The following HSBP1L1 variants were observed in gnomAD, a reference collection of about 807,000 sequenced individuals.
The protein encoded by HSBP1L1 is heat shock factor-binding protein 1-like protein 1.
Under a neutral mutation model 9.7 loss-of-function variants are expected in HSBP1L1, and 8 were observed. The observed-to-expected ratio is 0.82, with a 90% confidence interval of 0.48 to 1.48. The LOEUF is 1.48. Among genes scored for constraint, HSBP1L1 ranks in the 40% most tolerant of loss-of-function variants. The pLI is 0.00. For missense variants in HSBP1L1, 106 were observed against 95.8 expected (o/e 1.11, Z -0.44); for synonymous variants, 39 against 34.4 (o/e 1.13, Z -0.46).
At chr18:79,969,809 G>A (rs974160765) in intron 3 of HSBP1L1, among the ~76,000 whole-genome samples, 11 of 152,106 alleles carry the variant, frequency 7.2e-5, no homozygotes, top group Non-Finnish European at 1.2e-4. Context: ...TAGGTCAGTC[G>A]CCAACTGCTG....
chr18:79,966,749 G>A, intron 2 of HSBP1L1, 71 bp downstream of exon 2: 1 of 1,128,182 alleles, frequency 8.9e-7, no homozygotes, highest in Non-Finnish European at 1.3e-6. Context: ...GTATCTTTTT[G>A]TTGTCTGGTA....
chr18:79,970,276 A>C, intron 3 of HSBP1L1, 164 bp from the exon 4 acceptor site: 1 of 604,714 alleles, frequency 1.7e-6, no homozygotes, highest in South Asian at 2.0e-5. Flanking sequence ...GGTAGACAGC[A>C]GGTACATAAT....
At chr18:79,967,942 G>A (rs900981229) in intron 2 of HSBP1L1, 147 bp from the exon 3 acceptor site, 5 of 542,538 alleles carry the variant, frequency 9.2e-6, no homozygotes, top group Non-Finnish European at 1.3e-5. Context: ...AGGGAAAGAA[G>A]CTGATTTGCA....
At chr18:79,966,730 T>A (rs1385261677) in intron 2 of HSBP1L1, 52 bp downstream of exon 2, 1 of 1,242,302 alleles carries the variant, frequency 8.0e-7, no homozygotes, top group Non-Finnish European at 1.1e-6. Context: ...ACTGGTAGAT[T>A]ATCATGGAGT....
At chr18:79,969,400 A>AGAAAAC (rs201355227) in intron 3 of HSBP1L1, among the ~76,000 whole-genome samples, 3 of 147,886 alleles carry the variant, frequency 2.0e-5, no homozygotes, top group Admixed American at 6.7e-5. Context: ...AGAAAAAAAA[A>AGAAAAC]CGATGCAGAA....
chr18:79,970,212 A>G, intron 3 of HSBP1L1: 1 of 478,964 alleles, frequency 2.1e-6, no homozygotes, highest in East Asian at 3.2e-5. Context: ...TCTACCTGGT[A>G]AGTGGTTGTA....
chr18:79,970,373 C>T (rs559389966), intron 3 of HSBP1L1, 67 bp from the exon 4 acceptor site: 6 of 717,614 alleles, frequency 8.4e-6, no homozygotes, highest in Non-Finnish European at 1.6e-5. Context: ...TTATTAAAAT[C>T]AGGGGTGAAC....
chr18:79,965,872 TTA>T (rs1041773719), intron 1 of HSBP1L1, among the ~76,000 whole-genome samples: 2 of 152,224 alleles, frequency 1.3e-5, no homozygotes, highest in Admixed American at 1.3e-4. Context: ...TCCAAAGGCC[TTA>T]GCACCTTTGT....
rs571115739 is a variant in HSBP1L1, at chr18:79,965,928, AT to A, written c.52-676del. On this transcript the variant is annotated intron_variant, in intron 1 of 3. Transcript: ENST00000451882. Reference sequence around the variant, plus strand: ...TGGATGGGTTTATCCCATGATATTTATTTTTTTTATTTTTATTTTTTGAGAC... The same window carrying A: ...TGGATGGGTTTATCCCATGATATTTATTTTTTTATTTTTATTTTTTGAGAC... Among the ~76,000 whole-genome samples the A allele has an allele frequency of 2.1e-3, 318 of 151,974 alleles. 3 individuals are homozygous for A. The highest frequency in any genetic ancestry group is 7.2e-3 in the African/African-American group (298 of 41,458).
intron 2 of HSBP1L1, among the ~76,000 whole-genome samples, chr18:79,967,147 C>CAAAAAAAAAAAAAAAAAAAAAA (rs5826682): frequency 2.9e-5 from 3 of 105,196 alleles, no homozygotes; most frequent in African/African-American, 1.1e-4. Context: ...GACTCCGTCT[C>CAAAAAAAAAAAAAAAAAAAAAA]AAAAAAAAAA....
intron 3 of HSBP1L1, among the ~76,000 whole-genome samples, chr18:79,969,624 G>C (rs892646943): frequency 4.6e-5 from 7 of 152,224 alleles, no homozygotes; most frequent in African/African-American, 1.4e-4. Context: ...GCTCAGAGCA[G>C]AGGCAGTCTT....
At chr18:79,966,540 C>G in intron 1 of HSBP1L1, 72 bp from the exon 2 acceptor site, 3 of 1,126,546 alleles carry the variant, frequency 2.7e-6, no homozygotes, top group Middle Eastern at 2.3e-4. Flanking sequence ...AAGACTTCAT[C>G]TCAGAAAAAA....
chr18:79,969,265 AGGGAGGGAGG>A (rs2051275209), intron 3 of HSBP1L1, among the ~76,000 whole-genome samples: 5 of 16,240 alleles, frequency 3.1e-4, no homozygotes, highest in African/African-American at 8.8e-4. Flanking sequence ...AGAGAGAGGG[AGGGAGGGAGG>A]GAGGGAGGGA....
At chr18:79,966,802 C>T (rs2051259527) in intron 2 of HSBP1L1, 124 bp downstream of exon 2, 1 of 735,692 alleles carries the variant, frequency 1.4e-6, no homozygotes, top group African/African-American at 1.8e-5. Context: ...GTATTTACTT[C>T]TGTGCTTTTA....
At chr18:79,969,534 T>C (rs2051283747) in intron 3 of HSBP1L1, among the ~76,000 whole-genome samples, 1 of 152,152 alleles carries the variant, frequency 6.6e-6, no homozygotes, top group Non-Finnish European at 1.5e-5. Context: ...AATTTTTGGG[T>C]GTGGTCTGTT....
chr18:79,969,538 G>A (rs1292845003), intron 3 of HSBP1L1, among the ~76,000 whole-genome samples: 2 of 152,134 alleles, frequency 1.3e-5, no homozygotes, highest in East Asian at 3.9e-4. Context: ...TTTGGGTGTG[G>A]TCTGTTCAGG....
intron 1 of HSBP1L1, 96 bp downstream of exon 1, chr18:79,964,882 G>C (rs2051249034): frequency 1.7e-6 from 1 of 583,916 alleles, no homozygotes; most frequent in Admixed American, 4.8e-5. Flanking sequence ...TGCGGTGCTG[G>C]GGGTGCCCTG....
Position 79,970,533 on chromosome 18 carries a change from C to T in HSBP1L1, c.*82C>T. 2.8e-6 allele frequency: 2 copies of T among 716,228 alleles called. No homozygotes were observed. The highest frequency in any genetic ancestry group is 5.2e-6 in the Non-Finnish European group (2 of 383,494). The allele number at this position is 716,228 out of a possible 1,614,324, so 44.4% of individuals were successfully genotyped here. ...CGGTCCTGAGGGTGGGGCCCTCATC[C>T]AACAGGATTCGTCTTTCTGAGAAGA... On this transcript the variant is annotated 3_prime_UTR_variant, in exon 4 of 4. Transcript: ENST00000451882.
At chr18:79,966,273 GTGGCTC>G (rs1390796771) in intron 1 of HSBP1L1, among the ~76,000 whole-genome samples, 42 of 152,296 alleles carry the variant, frequency 2.8e-4, no homozygotes, top group African/African-American at 1.0e-3. Context: ...GCCAGGTGTG[GTGGCTC>G]ATGCCTGTGA....
Sources: gnomAD v4.1 joint callset for allele counts (sites outside exome capture counted in the v4.1 genomes callset) on GRCh38, gnomAD v4.1.1 for gene constraint, MANE v1.5 for transcripts, NCBI Gene and HGNC (gene_info 2026-07-23, HGNC 2026-07-21) for gene names.